The following CDH23 variants were observed in gnomAD, a reference collection of about 807,000 sequenced individuals.
CDH23 encodes cadherin-23.
In CDH23, 189 loss-of-function variants were observed where a neutral mutation model predicts 317.1. That is an observed-to-expected ratio of 0.60 (90% CI 0.53 to 0.67). The LOEUF is 0.67. Ranked by LOEUF, CDH23 falls within the 30% of genes least tolerant of loss-of-function variation. The pLI, the probability that CDH23 is intolerant of heterozygous loss-of-function variation, is 0.00. For missense variants in CDH23, 4,401 were observed against 4,592.4 expected (o/e 0.96, Z 1.20); for synonymous variants, 1,839 against 1,876.8 (o/e 0.98, Z 0.52).
In CDH23 at chr10:71,694,238, C is replaced by T. The variant is rs373077743; in HGVS notation, c.2268C>T (p.Asn756=). Residue 756 remains asparagine (N), a synonymous_variant, in exon 21 of 70, where the codon AAC becomes AAT. Transcript: ENST00000224721. ...CAGTGGACGGGGGTGTGGGCCACAACCAGAAAACTGGCATCGCCACCGTGA... is the reference window on the plus strand; with the variant it reads ...CAGTGGACGGGGGTGTGGGCCACAATCAGAAAACTGGCATCGCCACCGTGA... ...VRAVDGGVGH[N]QKTGIATVNI... 6.2e-6 allele frequency: 10 copies of T among 1,612,748 alleles called. No individual in the cohort carries two copies. The highest frequency in any genetic ancestry group is 5.3e-5 in the African/African-American group (4 of 74,850).
chr10:71,773,831 C>G (rs1840751104), intron 38 of CDH23, among the ~76,000 whole-genome samples: 1 of 152,208 alleles, frequency 6.6e-6, no homozygotes, highest in Admixed American at 6.5e-5. Context: ...TGGCTTGCAT[C>G]TGCCCTCAGC....
rs142200145 is a variant in CDH23, at chr10:71,745,124, G to A, written c.4845+3203G>A. On this transcript the variant is annotated intron_variant, in intron 38 of 69. Transcript: ENST00000224721. The stretch of plus-strand genomic sequence containing the variant: ...GCCATTGTCCCTGAATGGCCACTAT[G>A]TGCCAGGCACTGGAGATACCGAAAT... Among the ~76,000 whole-genome samples the A allele has an allele frequency of 2.1e-3, 327 of 152,348 alleles. 3 individuals carry two copies. The highest frequency in any genetic ancestry group is 7.5e-3 in the African/African-American group (313 of 41,578).
At chr10:71,681,946 G>A (rs1864670322) in intron 17 of CDH23, among the ~76,000 whole-genome samples, 3 of 152,192 alleles carry the variant, frequency 2.0e-5, no homozygotes, top group Non-Finnish European at 4.4e-5. Flanking sequence ...GGAGAGAGGA[G>A]TAGTGACAGG....
At chr10:71,484,996 G>A (rs189803695) in intron 3 of CDH23, among the ~76,000 whole-genome samples, 2 of 146,472 alleles carry the variant, frequency 1.4e-5, no homozygotes, top group South Asian at 2.2e-4. Flanking sequence ...AGGGGTGTGT[G>A]TTTTTCTTTC....
chr10:71,729,327 C>T (rs955562540), intron 30 of CDH23, among the ~76,000 whole-genome samples: 9 of 152,264 alleles, frequency 5.9e-5, no homozygotes, highest in African/African-American at 2.2e-4. Flanking sequence ...GTGTAAGAAG[C>T]GCCCACAGGA....
chr10:71,792,820 TAAAAAAAAAAAAAAAA>T (rs1158593304), intron 47 of CDH23, among the ~76,000 whole-genome samples: 10 of 47,912 alleles, frequency 2.1e-4, no homozygotes, highest in South Asian at 1.1e-3. Flanking sequence ...AGACTCCATC[TAAAAAAAAAAAAAAAA>T]AAAAAAAAAA....
intron 35 of CDH23, among the ~76,000 whole-genome samples, chr10:71,739,267 C>T (rs75767420): frequency 0.02 from 3,078 of 152,220 alleles, 212 homozygotes; most frequent in East Asian, 0.19. Context: ...AGAACAGTTG[C>T]TTTCTGTCAA....
chr10:71,784,631 C>T (rs1176273972), intron 42 of CDH23, among the ~76,000 whole-genome samples: 2 of 152,222 alleles, frequency 1.3e-5, no homozygotes, highest in Non-Finnish European at 1.5e-5. Flanking sequence ...TGCACCCAAC[C>T]CCTGCCCCAT....
chr10:71,622,169 C>A (rs10999917), intron 11 of CDH23, among the ~76,000 whole-genome samples: 8,936 of 152,148 alleles, frequency 0.059, 871 homozygotes, highest in African/African-American at 0.2. Context: ...TCTGGGGAGC[C>A]ACGGTGAATC....
chr10:71,443,504 T>C (rs932558634), intron 2 of CDH23, among the ~76,000 whole-genome samples: 8 of 152,210 alleles, frequency 5.3e-5, no homozygotes, highest in African/African-American at 1.9e-4. Flanking sequence ...TCAGGCCCCT[T>C]AGGGTGCTAG....
chr10:71,476,341 A>T (rs887049428), intron 3 of CDH23, among the ~76,000 whole-genome samples: 8 of 152,168 alleles, frequency 5.3e-5, no homozygotes, highest in Non-Finnish European at 8.8e-5. Context: ...TGTGTCTGAA[A>T]GGATCTTCCA....
chr10:71,803,122 G>A (rs1841606805), intron 54 of CDH23, 47 bp downstream of exon 54: 2 of 1,600,800 alleles, frequency 1.2e-6, no homozygotes, highest in Non-Finnish European at 8.6e-7. Context: ...GGGGTGGGAG[G>A]GGGAGGCCTG....
intron 18 of CDH23, among the ~76,000 whole-genome samples, chr10:71,684,852 CGGG>C (rs1864809583): frequency 2.6e-5 from 4 of 152,186 alleles, no homozygotes; most frequent in African/African-American, 9.6e-5. Flanking sequence ...CTGGCTAGCC[CGGG>C]GCTAGACAGG....
chr10:71,559,628 G>A (rs1309111531), intron 6 of CDH23, among the ~76,000 whole-genome samples: 1 of 152,182 alleles, frequency 6.6e-6, no homozygotes, highest in Non-Finnish European at 1.5e-5. Context: ...GAGATGGGAG[G>A]GTGCTGAGTT....
At chr10:71,723,628 G>C (rs1866666473) in intron 28 of CDH23, among the ~76,000 whole-genome samples, 1 of 152,190 alleles carries the variant, frequency 6.6e-6, no homozygotes, top group Non-Finnish European at 1.5e-5. Flanking sequence ...TTCAGGCCAA[G>C]GAAATGCGGG....
chr10:71,715,908 A>T, intron 28 of CDH23: 2 of 1,441,468 alleles, frequency 1.4e-6, no homozygotes, highest in African/African-American at 1.5e-5. Context: ...ACCTAGGGGG[A>T]TGTGGGGGCA....
At chr10:71,628,145 A>T (rs898396790) in intron 11 of CDH23, among the ~76,000 whole-genome samples, 3 of 152,172 alleles carry the variant, frequency 2.0e-5, no homozygotes, top group Non-Finnish European at 4.4e-5. Flanking sequence ...GTCTCACCCC[A>T]TCGCCATCAT....
rs1252572925 is a variant in CDH23 at position 71,489,118 on chromosome 10, G to A, written c.146-20964G>A. 6.6e-5 allele frequency among the ~76,000 whole-genome samples: 10 copies of A among 152,178 alleles called. No homozygotes were observed. In the East Asian group the frequency reaches 1.9e-3, roughly 29 times the overall value. On this transcript the variant is annotated intron_variant, in intron 3 of 69. Transcript: ENST00000224721. ...ATTTCATTTGTCTTCTTTAATCTATGGAGTTTTTGATTAATTCTGGAACGT... is the reference window on the plus strand; with the variant it reads ...ATTTCATTTGTCTTCTTTAATCTATAGAGTTTTTGATTAATTCTGGAACGT...
chr10:71,500,727 C>A (rs1310734259), intron 3 of CDH23, among the ~76,000 whole-genome samples: 1 of 152,044 alleles, frequency 6.6e-6, no homozygotes, highest in African/African-American at 2.4e-5. Flanking sequence ...GGCTTGCTGA[C>A]CTTGGGTAGG....
Sources: allele counts gnomAD v4.1 joint callset (sites outside exome capture counted in the v4.1 genomes callset), GRCh38; gene constraint gnomAD v4.1.1; transcripts MANE v1.5; gene names NCBI Gene and HGNC (gene_info 2026-07-23, HGNC 2026-07-21).